SORBS2: variants seen among roughly 807,000 people sequenced by gnomAD.
The protein encoded by SORBS2 is sorbin and SH3 domain-containing protein 2.
In SORBS2, 46 loss-of-function variants were observed where a neutral mutation model predicts 97.7. The ratio of observed to expected loss-of-function variants is 0.47; its 90% CI spans 0.37 to 0.60. The LOEUF (loss-of-function observed/expected upper bound fraction) is 0.60. SORBS2 is among the 20% of genes least tolerant of loss of function. The pLI is 0.00. For synonymous variants in SORBS2, 476 were observed against 473.4 expected (o/e 1.01, Z -0.07); for missense variants, 1,316 against 1,282.3 (o/e 1.03, Z -0.40).
At chr4:185,930,641 C>G (rs1256748478) in intron 1 of SORBS2, among the ~76,000 whole-genome samples, 1 of 152,058 alleles carries the variant, frequency 6.6e-6, no homozygotes, top group Non-Finnish European at 1.5e-5. Flanking sequence ...CCTTTCAGCT[C>G]TCTCTGTTTT....
intron 2 of SORBS2, among the ~76,000 whole-genome samples, chr4:185,728,973 A>G (rs573179652): frequency 6.6e-6 from 1 of 152,358 alleles, no homozygotes; most frequent in African/African-American, 2.4e-5. Context: ...CAGCCCTTCC[A>G]TCTCTTCTTC....
chr4:185,759,961 A>G (rs1434031919), intron 2 of SORBS2, among the ~76,000 whole-genome samples: 3 of 152,242 alleles, frequency 2.0e-5, no homozygotes, highest in African/African-American at 7.2e-5. Context: ...TCTATGCCAC[A>G]GCACTTTCAT....
chr4:185,619,673 A>G (rs1299573965), intron 8 of SORBS2, among the ~76,000 whole-genome samples: 1 of 152,202 alleles, frequency 6.6e-6, no homozygotes, highest in Non-Finnish European at 1.5e-5. Context: ...TAGGCTCTGT[A>G]TTGATTTACA....
intron 1 of SORBS2, among the ~76,000 whole-genome samples, chr4:185,902,688 T>TAAA (rs79092738): frequency 2.9e-5 from 4 of 139,808 alleles, no homozygotes; most frequent in African/African-American, 5.3e-5. Flanking sequence ...TGTTTTTACT[T>TAAA]AAAAAAAAAA....
intron 4 of SORBS2, chr4:185,665,742 C>G: frequency 9.8e-7 from 1 of 1,018,612 alleles, no homozygotes; most frequent in Non-Finnish European, 1.2e-6. Context: ...CATGAGTGGC[C>G]GCAGGGGTGG....
At chr4:185,620,968 T>C (rs115113488) in intron 7 of SORBS2, among the ~76,000 whole-genome samples, 2,044 of 152,342 alleles carry the variant, frequency 0.013, 46 homozygotes, top group African/African-American at 0.047. Context: ...TAGTTCTTAA[T>C]AGTATCTTAT....
intron 1 of SORBS2, among the ~76,000 whole-genome samples, chr4:185,923,779 C>G (rs1177198781): frequency 1.3e-5 from 2 of 152,058 alleles, no homozygotes; most frequent in Non-Finnish European, 2.9e-5. Context: ...TCCTTAGATA[C>G]AGTATCAGGG....
chr4:185,605,199 C>A (rs562696459), intron 12 of SORBS2, among the ~76,000 whole-genome samples: 3 of 152,182 alleles, frequency 2.0e-5, no homozygotes, highest in Non-Finnish European at 2.9e-5. Context: ...GTAATAGGAA[C>A]CATCCTTTCT....
At chr4:185,685,628 C>G (rs1169464590) in intron 2 of SORBS2, among the ~76,000 whole-genome samples, 3 of 152,134 alleles carry the variant, frequency 2.0e-5, no homozygotes, top group Non-Finnish European at 4.4e-5. Context: ...ACCTCCTGCG[C>G]TCAAGCAATC....
intron 1 of SORBS2, among the ~76,000 whole-genome samples, chr4:185,819,544 G>A (rs2153670141): frequency 6.6e-6 from 1 of 152,348 alleles, no homozygotes; most frequent in African/African-American, 2.4e-5. Flanking sequence ...TTCTACTACT[G>A]AGAAACAAAT....
intron 1 of SORBS2, among the ~76,000 whole-genome samples, chr4:185,890,908 G>A (rs776780235): frequency 6.6e-6 from 1 of 152,052 alleles, no homozygotes; most frequent in Admixed American, 6.5e-5. Flanking sequence ...ATGTTTTATA[G>A]TATTGAACAT....
chr4:185,697,460 T>C (rs2098192594), intron 2 of SORBS2, among the ~76,000 whole-genome samples: 1 of 152,150 alleles, frequency 6.6e-6, no homozygotes, highest in South Asian at 2.1e-4. Context: ...TTTATTTAGC[T>C]AAGATTTTCC....
chr4:185,807,580 T>G (rs575695811), intron 1 of SORBS2, among the ~76,000 whole-genome samples: 2 of 152,200 alleles, frequency 1.3e-5, no homozygotes, highest in Non-Finnish European at 2.9e-5. Flanking sequence ...CTTTGCTGGT[T>G]CCCCGTCATT....
chr4:185,938,309 C>G (rs2099270037), intron 1 of SORBS2, among the ~76,000 whole-genome samples: 1 of 151,266 alleles, frequency 6.6e-6, no homozygotes, highest in South Asian at 2.1e-4. Context: ...AGAAATTATT[C>G]TTAACATTTT....
chr4:185,713,017 TC>T (rs1385841458), intron 2 of SORBS2, among the ~76,000 whole-genome samples: 1 of 152,170 alleles, frequency 6.6e-6, no homozygotes, highest in Non-Finnish European at 1.5e-5. Context: ...TCCCAAAGTA[TC>T]CAGAGTGATG....
intron 1 of SORBS2, among the ~76,000 whole-genome samples, chr4:185,852,541 T>C (rs1487686268): frequency 6.6e-6 from 1 of 152,242 alleles, no homozygotes; most frequent in Non-Finnish European, 1.5e-5. Flanking sequence ...TGTAGTGTTA[T>C]GTTCCACGGT....
At chr4:185,596,754 C>T (rs1448496721) in intron 12 of SORBS2, among the ~76,000 whole-genome samples, 4 of 151,892 alleles carry the variant, frequency 2.6e-5, no homozygotes, top group African/African-American at 4.8e-5. Flanking sequence ...AGGATGGTCT[C>T]GATCTCCTGA....
At chr4:185,947,547 T>C (rs1282220999) in intron 1 of SORBS2, among the ~76,000 whole-genome samples, 1 of 152,216 alleles carries the variant, frequency 6.6e-6, no homozygotes, top group African/African-American at 2.4e-5. Flanking sequence ...GGTCTTACAC[T>C]AGTCTGGCTA....
chr4:185,860,357 C>T (rs766406538), intron 1 of SORBS2, among the ~76,000 whole-genome samples: 2 of 152,128 alleles, frequency 1.3e-5, no homozygotes, highest in Non-Finnish European at 2.9e-5. Context: ...ATAATGAGTG[C>T]CATGCAGACA....
Sources: gnomAD v4.1 joint callset for allele counts (sites outside exome capture counted in the v4.1 genomes callset) on GRCh38, gnomAD v4.1.1 for gene constraint, MANE v1.5 for transcripts, NCBI Gene and HGNC (gene_info 2026-07-23, HGNC 2026-07-21) for gene names.